Variants in SGCD observed in about 807,000 individuals in gnomAD.
SGCD encodes the protein delta-sarcoglycan.
SGCD carries 18 observed loss-of-function variants against 36.6 expected under a neutral mutation model. The ratio of observed to expected loss-of-function variants is 0.49; its 90% confidence interval spans 0.34 to 0.73. SGCD has a LOEUF of 0.73. Ranked by LOEUF, SGCD falls within the 30% of genes least tolerant of loss-of-function variation. The pLI, the probability that SGCD is intolerant of heterozygous loss-of-function variation, is 0.01. For synonymous variants in SGCD, 133 were observed against 130.6 expected, an observed-to-expected ratio of 1.02 and a Z score of -0.12; for missense variants, 387 against 346.7, an observed-to-expected ratio of 1.12 and a Z score of -0.92.
At chr5:155,895,944 C>T (rs986835258) in intron 1 of SGCD, among the ~76,000 whole-genome samples, 7 of 152,204 alleles carry the variant, frequency 4.6e-5, no homozygotes, top group African/African-American at 1.2e-4. Context: ...GACCTGCAAC[C>T]GTTATCTGAG....
chr5:156,756,520 A>G (rs1757340527), intron 7 of SGCD, among the ~76,000 whole-genome samples: 1 of 152,222 alleles, frequency 6.6e-6, no homozygotes, highest in Non-Finnish European at 1.5e-5. Context: ...AGCCTGAGCA[A>G]CAGGGTGAGA....
At chr5:156,212,000 C>T (rs1228610758) in intron 3 of SGCD, among the ~76,000 whole-genome samples, 2 of 151,912 alleles carry the variant, frequency 1.3e-5, no homozygotes, top group East Asian at 1.9e-4. Flanking sequence ...AAAGCAAAAA[C>T]GACAAGAGGT....
At chr5:156,271,544 A>C (rs971740741) in intron 3 of SGCD, among the ~76,000 whole-genome samples, 10 of 152,172 alleles carry the variant, frequency 6.6e-5, no homozygotes, top group African/African-American at 2.4e-4. Context: ...ACATAGCTTT[A>C]TCTAATACTT....
chr5:156,489,402 A>G (rs1440445281), intron 3 of SGCD, among the ~76,000 whole-genome samples: 1 of 152,136 alleles, frequency 6.6e-6, no homozygotes, highest in Non-Finnish European at 1.5e-5. Context: ...AGAACATTTC[A>G]TTCAACAACT....
chr5:155,813,490 C>T, the SGCD span, among the ~76,000 whole-genome samples: 1 of 152,082 alleles, frequency 6.6e-6, no homozygotes, highest in Non-Finnish European at 1.5e-5. Context: ...AGAAAAACAC[C>T]CTGTGAGCAG....
At chr5:155,984,545 G>A (rs151248220) in intron 1 of SGCD, among the ~76,000 whole-genome samples, 190 of 152,222 alleles carry the variant, frequency 1.2e-3, no homozygotes, top group African/African-American at 4.2e-3. Context: ...ATGGACAATC[G>A]TTAGAACAGC....
At chr5:155,796,381 A>T in the SGCD span, among the ~76,000 whole-genome samples, 1 of 152,200 alleles carries the variant, frequency 6.6e-6, no homozygotes, top group South Asian at 2.1e-4. Flanking sequence ...CACATTGGTA[A>T]TGTAAAATCT....
intron 7 of SGCD, among the ~76,000 whole-genome samples, chr5:156,670,734 T>C (rs1490046417): frequency 1.3e-5 from 2 of 152,188 alleles, no homozygotes; most frequent in Non-Finnish European, 2.9e-5. Context: ...TAGACTATAA[T>C]ATGAATGAGA....
intron 6 of SGCD, among the ~76,000 whole-genome samples, chr5:156,596,779 G>A (rs1361985607): frequency 6.6e-6 from 1 of 151,906 alleles, no homozygotes; most frequent in Non-Finnish European, 1.5e-5. Context: ...TGGATATTCT[G>A]CCAGCCTCTC....
chr5:156,531,519 G>T (rs191442016), intron 4 of SGCD, among the ~76,000 whole-genome samples: 6 of 152,238 alleles, frequency 3.9e-5, no homozygotes, highest in African/African-American at 9.6e-5. Context: ...CTTTCTGTGG[G>T]TAAAGACACT....
chr5:156,170,741 C>G (rs1225098607), intron 3 of SGCD, among the ~76,000 whole-genome samples: 4 of 152,174 alleles, frequency 2.6e-5, no homozygotes, highest in African/African-American at 9.7e-5. Context: ...TCATTTGTTA[C>G]CATGGACAGA....
chr5:156,687,063 A>G (rs773488844), intron 7 of SGCD, among the ~76,000 whole-genome samples: 3 of 152,204 alleles, frequency 2.0e-5, no homozygotes, highest in Non-Finnish European at 4.4e-5. Context: ...ATGCCGCACC[A>G]GACAATGCTA....
chr5:156,604,015 G>C (rs2113424118), intron 6 of SGCD, among the ~76,000 whole-genome samples: 1 of 151,820 alleles, frequency 6.6e-6, no homozygotes, highest in African/African-American at 2.4e-5. Context: ...TACTATTACT[G>C]TTTTGGAGTC....
the SGCD span, among the ~76,000 whole-genome samples, chr5:155,863,951 TA>T: frequency 6.6e-6 from 1 of 152,036 alleles, no homozygotes; most frequent in African/African-American, 2.4e-5. Context: ...GACAGACAAA[TA>T]AACAATCAAA....
At chr5:155,729,314 A>G in the SGCD span, among the ~76,000 whole-genome samples, 2 of 152,182 alleles carry the variant, frequency 1.3e-5, no homozygotes, top group Non-Finnish European at 2.9e-5. Flanking sequence ...AGAGATCCGC[A>G]GCCGCCTGGG....
At chr5:156,255,682 C>A (rs1400373931) in intron 3 of SGCD, among the ~76,000 whole-genome samples, 2 of 152,086 alleles carry the variant, frequency 1.3e-5, no homozygotes, top group East Asian at 1.9e-4. Flanking sequence ...CTTGAAAGTT[C>A]TATTTTTTGT....
At chr5:156,351,964 T>G (rs1385564243) in intron 3 of SGCD, among the ~76,000 whole-genome samples, 2 of 151,180 alleles carry the variant, frequency 1.3e-5, no homozygotes, top group Non-Finnish European at 2.9e-5. Flanking sequence ...TGGAACCCAG[T>G]ATACCACTAA....
the SGCD span, among the ~76,000 whole-genome samples, chr5:155,838,729 T>C: frequency 2.5e-5 from 3 of 120,142 alleles, no homozygotes; most frequent in Non-Finnish European, 3.4e-5. Flanking sequence ...AGTGCAGATA[T>C]AAAAATCAAA....
intron 3 of SGCD, among the ~76,000 whole-genome samples, chr5:156,197,382 C>G (rs189111567): frequency 1.5e-4 from 23 of 151,686 alleles, no homozygotes; most frequent in African/African-American, 5.6e-4. Context: ...ATAGGACTCT[C>G]TTGGTTAATT....
Sources: gnomAD v4.1 joint callset for allele counts (sites outside exome capture counted in the v4.1 genomes callset) on GRCh38, gnomAD v4.1.1 for gene constraint, MANE v1.5 for transcripts, NCBI Gene and HGNC (gene_info 2026-07-23, HGNC 2026-07-21) for gene names.